The following SPTA1 variants were observed in gnomAD, a reference collection of about 807,000 sequenced individuals.
The protein encoded by SPTA1 is spectrin alpha, erythrocytic 1.
A neutral mutation model predicts 324.7 loss-of-function variants in SPTA1; 177 were observed. The ratio of observed to expected loss-of-function variants is 0.55; its 90% confidence interval spans 0.48 to 0.62. The LOEUF (loss-of-function observed/expected upper bound fraction) is 0.62, where lower values mean the gene tolerates loss of function less well. Among genes scored for constraint, SPTA1 ranks in the 20% least tolerant of loss-of-function variants. The pLI, the probability that SPTA1 is intolerant of heterozygous loss-of-function variation, is 0.00. For synonymous variants in SPTA1, 1,195 were observed against 1,041.3 expected (o/e 1.15, Z -2.84); for missense variants, 3,162 against 2,883.6 (o/e 1.10, Z -2.21).
intron 42 of SPTA1, among the ~76,000 whole-genome samples, chr1:158,623,829 A>ATGTGGAAGTGC (rs1367724365): frequency 5.9e-5 from 9 of 152,202 alleles, no homozygotes; most frequent in Non-Finnish European, 1.0e-4. Flanking sequence ...TACTATAAAG[A>ATGTGGAAGTGC]TACCTGAAAA....
chr1:158,658,227 C>T (rs965880862), intron 18 of SPTA1, among the ~76,000 whole-genome samples: 2 of 152,130 alleles, frequency 1.3e-5, no homozygotes, highest in African/African-American at 4.8e-5. Context: ...GCCTGGGTAG[C>T]TAACCCAGAT....
intron 30 of SPTA1, 40 bp from the exon 31 acceptor site, chr1:158,643,465 T>C: frequency 6.3e-7 from 1 of 1,591,196 alleles, no homozygotes; most frequent in East Asian, 2.2e-5. Context: ...TGCTTGGAGA[T>C]TAGGCTCTTG....
In SPTA1 at chr1:158,647,715, G is replaced by A. The variant is rs1263910590; in HGVS notation, c.3720C>T (p.Thr1240=). The change falls in exon 27 of 52, where the codon ACC becomes ACT. Residue 1240 remains threonine, a synonymous_variant. Transcript: ENST00000643759. The part of the protein sequence containing the change: ...RDLVPLGDKV[T]ILGETAERLS... ...GCCGCTCTGCTGTCTCCCCCAGTAT[G>A]GTCACCTGGGGAGGTACAATAGCTC... 5 of 1,613,770 alleles carry A rather than the reference G, an allele frequency of 3.1e-6. No individual in the cohort carries two copies. Among genetic ancestry groups the A allele is most frequent in the Admixed American group, 3.3e-5 (2 of 59,954 alleles).
In SPTA1 at chr1:158,644,239, C is replaced by G; in HGVS notation, c.4338+14G>C. 2 of 1,613,236 alleles carry G rather than the reference C, an allele frequency of 1.2e-6. No homozygotes were observed. The highest frequency in any genetic ancestry group is 1.7e-6 in the Non-Finnish European group (2 of 1,179,600). On this transcript the variant is annotated intron_variant, in intron 30 of 51. Coordinates refer to ENST00000643759, the MANE Select transcript of SPTA1 (RefSeq NM_003126.4). ...ACGGATTATTATTTTAATTCCTTTA[C>G]TAGTCATTATTACCTGGGCAGTGAT...
rs757763322 is a variant in SPTA1, at chr1:158,611,226, G to A, written c.*38C>T. On this transcript the variant is annotated 3_prime_UTR_variant, in exon 52 of 52. Coordinates refer to ENST00000643759, the MANE Select transcript of SPTA1 (RefSeq NM_003126.4). ...CTTTGCCCCCCAGTAAATTTCCCAC[G>A]ACACTAAGATTTTCTACGATCCACG... is the stretch of plus-strand genomic sequence containing the variant. 25 of 1,606,768 alleles carry A rather than the reference G, an allele frequency of 1.6e-5. No homozygotes were observed. Among genetic ancestry groups the A allele is most frequent in the Admixed American group, 1.5e-4 (9 of 59,610 alleles).
At chr1:158,649,825 C>T (rs1415524573) in intron 25 of SPTA1, 31 bp downstream of exon 25, 1 of 1,563,860 alleles carries the variant, frequency 6.4e-7, no homozygotes, top group South Asian at 1.1e-5. Context: ...GGTTTTAAAG[C>T]AGCACTGCTT....
At position 158,611,241 on chromosome 1, in the gene SPTA1, T is replaced by C. The variant is rs1649239141; in HGVS notation, c.*23A>G. 5 of 1,612,566 alleles carry C rather than the reference T, an allele frequency of 3.1e-6. No homozygotes were observed. Among genetic ancestry groups the C allele is most frequent in the Non-Finnish European group, 3.4e-6 (4 of 1,179,050 alleles). ...AATTTCCCACGACACTAAGATTTTC[T>C]ACGATCCACGAGGAGCTGCTTATTA... On this transcript the variant is annotated 3_prime_UTR_variant, in exon 52 of 52. Coordinates refer to ENST00000643759, the MANE Select transcript of SPTA1 (RefSeq NM_003126.4).
At chr1:158,664,177 G>A (rs1407337920) in intron 16 of SPTA1, among the ~76,000 whole-genome samples, 1 of 151,846 alleles carries the variant, frequency 6.6e-6, no homozygotes, top group African/African-American at 2.4e-5. Context: ...CCCATTACGG[G>A]GTATATACCC....
intron 14 of SPTA1, among the ~76,000 whole-genome samples, chr1:158,668,660 G>T (rs1233511230): frequency 6.6e-6 from 1 of 152,054 alleles, no homozygotes; most frequent in African/African-American, 2.4e-5. Flanking sequence ...TAAATGTGAA[G>T]GTTTGTAAAC....
chr1:158,622,768 C>T (rs1322168296), intron 43 of SPTA1: 4 of 518,364 alleles, frequency 7.7e-6, no homozygotes, highest in Non-Finnish European at 1.0e-5. Context: ...GCTTCCATCT[C>T]AAGTTAGTTA....
intron 2 of SPTA1, 54 bp downstream of exon 2, chr1:158,685,054 C>G: frequency 6.2e-7 from 1 of 1,609,736 alleles, no homozygotes; most frequent in Admixed American, 1.7e-5. Context: ...AAACCTATTT[C>G]CTTCTCTAGA....
At chr1:158,627,201 G>A (rs752964447) in intron 40 of SPTA1, among the ~76,000 whole-genome samples, 194 bp from the exon 41 acceptor site, 138 of 152,240 alleles carry the variant, frequency 9.1e-4, no homozygotes, top group Admixed American at 2.4e-3. Context: ...TTAGATCAAT[G>A]AGGATTTATT....
At position 158,652,605 on chromosome 1, in the gene SPTA1, C is replaced by T. The variant is rs1652533535; in HGVS notation, c.3237G>A (p.Leu1079=). The stretch of plus-strand genomic sequence containing the variant: ...CCAATAAAAATTCATTATAACGTTG[C>T]AATAGACGACGTCTGCGTTCTTCTG... ...DRAEERRRRL[L]QRYNEFLLAY... The change falls in exon 23 of 52, where the codon TTG becomes TTA. Residue 1079 remains leucine (L), a synonymous_variant. Coordinates refer to ENST00000643759, the MANE Select transcript of SPTA1 (RefSeq NM_003126.4). 6.2e-7 allele frequency: 1 copy of T among 1,613,940 alleles called. No homozygotes were observed. Among genetic ancestry groups the T allele is most frequent in the South Asian group, 1.1e-5 (1 of 91,082 alleles).
chr1:158,614,123 G>T, intron 49 of SPTA1, 130 bp downstream of exon 49: 1 of 822,926 alleles, frequency 1.2e-6, no homozygotes, highest in African/African-American at 1.7e-5. Context: ...CATGACTGGA[G>T]CTAATGAGCA....
chr1:158,684,146 G>A (rs1336396772), intron 2 of SPTA1, among the ~76,000 whole-genome samples: 1 of 151,402 alleles, frequency 6.6e-6, no homozygotes, highest in Non-Finnish European at 1.5e-5. Context: ...GTAGAGAACA[G>A]GTATCACATG....
intron 45 of SPTA1, 158 bp from the exon 46 acceptor site, chr1:158,618,214 G>C: frequency 1.4e-6 from 1 of 740,220 alleles, no homozygotes; most frequent in Non-Finnish European, 2.3e-6. Flanking sequence ...GGTTCCCAAG[G>C]CCTCTCCCAC....
chr1:158,675,909 T>G (rs895917511), intron 8 of SPTA1, among the ~76,000 whole-genome samples: 4 of 152,158 alleles, frequency 2.6e-5, no homozygotes, highest in South Asian at 4.1e-4. Context: ...CCATTTAACA[T>G]TTTCAAACTG....
At chr1:158,679,749 T>C (rs1654663149) in intron 5 of SPTA1, among the ~76,000 whole-genome samples, 1 of 152,106 alleles carries the variant, frequency 6.6e-6, no homozygotes, top group South Asian at 2.1e-4. Context: ...ACAAGTAAGA[T>C]GTTAAGTTTG....
At chr1:158,681,816 G>T (rs576335009) in intron 3 of SPTA1, 149 bp from the exon 4 acceptor site, 1 of 1,048,214 alleles carries the variant, frequency 9.5e-7, no homozygotes, top group African/African-American at 1.6e-5. Context: ...AGAGGAAATA[G>T]GATAGATATA....
Sources: allele counts gnomAD v4.1 joint callset (sites outside exome capture counted in the v4.1 genomes callset), GRCh38; gene constraint gnomAD v4.1.1; transcripts MANE v1.5; gene names NCBI Gene and HGNC (gene_info 2026-07-23, HGNC 2026-07-21).